The following KANK1 variants were observed in gnomAD, a reference collection of about 807,000 sequenced individuals.
KANK1 encodes KN motif and ankyrin repeat domain-containing protein 1.
Under a neutral mutation model 106.2 loss-of-function variants are expected in KANK1, and 109 were observed. That is an observed-to-expected ratio of 1.03 (90% CI 0.88 to 1.20). The LOEUF (loss-of-function observed/expected upper bound fraction) is 1.20. Among genes scored for constraint, KANK1 ranks in the 50% most tolerant of loss-of-function variants. KANK1 has a pLI of 0.00. For missense variants in KANK1, 2,399 were observed against 1,710.7 expected (o/e 1.40, Z -7.10); for synonymous variants, 873 against 652.2 (o/e 1.34, Z -5.16).
At chr9:590,081 T>G (rs1158290725) in intron 1 of KANK1, among the ~76,000 whole-genome samples, 1 of 152,170 alleles carries the variant, frequency 6.6e-6, no homozygotes, top group Non-Finnish European at 1.5e-5. Flanking sequence ...AACGGCACTC[T>G]GCAATAACCC....
chr9:535,209 G>A (rs545317286), intron 1 of KANK1, among the ~76,000 whole-genome samples: 16 of 152,128 alleles, frequency 1.1e-4, no homozygotes, highest in Non-Finnish European at 1.9e-4. Flanking sequence ...TCAGACCTCA[G>A]TACCTATGTC....
At chr9:732,115 T>C (rs988600067) in intron 5 of KANK1, 5 of 326,724 alleles carry the variant, frequency 1.5e-5, no homozygotes, top group Middle Eastern at 9.2e-4. Context: ...TCATGATTTA[T>C]GCTAAGCCGG....
chr9:507,556 A>ATTT lies in KANK1; in HGVS notation c.-84+2819_-84+2821dup, dbSNP rs755577004. Among the ~76,000 whole-genome samples the ATTT allele has an allele frequency of 1.7e-3, 219 of 127,400 alleles. 4 individuals are homozygous for ATTT. The highest frequency in any genetic ancestry group is 6.3e-3 in the African/African-American group (198 of 31,418). The allele number at this position is 127,400 out of a possible 152,430, so 83.6% of individuals were successfully genotyped here. A position where few individuals can be genotyped will look rare whatever the true frequency, so the allele number is the denominator to read the frequency against. On this transcript the variant is annotated intron_variant, in intron 1 of 11. Coordinates refer to ENST00000382297, the MANE Select transcript of KANK1 (RefSeq NM_015158.5). ...AGGCACCTGCCACCATGCCCGGCTA[A>ATTT]TTTTTTTTTTTTTTTTTTTGAGATG...
chr9:618,356 C>A (rs185341093), intron 1 of KANK1, among the ~76,000 whole-genome samples: 7 of 152,026 alleles, frequency 4.6e-5, no homozygotes, highest in Non-Finnish European at 8.8e-5. Context: ...TACAGGCACA[C>A]GCCACCACAC....
At chr9:532,546 C>T (rs1319717240) in intron 1 of KANK1, among the ~76,000 whole-genome samples, 1 of 151,946 alleles carries the variant, frequency 6.6e-6, no homozygotes, top group South Asian at 2.1e-4. Context: ...CCTCCACTCC[C>T]TCCAGCCCCT....
At chr9:703,879 A>AT in intron 2 of KANK1, among the ~76,000 whole-genome samples, 1 of 151,836 alleles carries the variant, frequency 6.6e-6, no homozygotes, top group African/African-American at 2.4e-5. Context: ...GCCCAGCTAA[A>AT]TTTTTTGCAT....
intron 10 of KANK1, among the ~76,000 whole-genome samples, 178 bp downstream of exon 10, chr9:742,583 A>C (rs1835938807): frequency 6.6e-6 from 1 of 152,196 alleles, no homozygotes; most frequent in Admixed American, 6.5e-5. Context: ...GTGTGTGTGC[A>C]AACTAACACG....
intron 1 of KANK1, among the ~76,000 whole-genome samples, chr9:516,516 T>G (rs1309190712): frequency 1.3e-5 from 2 of 151,666 alleles, no homozygotes; most frequent in African/African-American, 4.9e-5. Context: ...CTTAGTGATG[T>G]TCTTTCTGGT....
intron 1 of KANK1, among the ~76,000 whole-genome samples, chr9:541,818 G>A (rs1280825138): frequency 6.6e-6 from 1 of 152,152 alleles, no homozygotes; most frequent in Non-Finnish European, 1.5e-5. Flanking sequence ...GGCCGGGCGC[G>A]GTGGCTCACG....
rs138076964 is a variant in KANK1 at position 742,925 on chromosome 9, G to A, written c.3897+520G>A. Among the ~76,000 whole-genome samples the A allele has an allele frequency of 5.7e-3, 871 of 152,258 alleles. 6 individuals carry two copies. Among genetic ancestry groups the A allele is most frequent in the African/African-American group, 0.02 (812 of 41,540 alleles). On this transcript the variant is annotated intron_variant, in intron 10 of 11. Coordinates refer to ENST00000382297, the MANE Select transcript of KANK1 (RefSeq NM_015158.5). Reference sequence around the variant, plus strand: ...GCAGAGTAGCTTGACTTCTTGAAGCGTTTTCCCATTTCTGCTTAGTCTGTC... The same window carrying A: ...GCAGAGTAGCTTGACTTCTTGAAGCATTTTCCCATTTCTGCTTAGTCTGTC...
chr9:524,185 T>C (rs998858843), intron 1 of KANK1, among the ~76,000 whole-genome samples: 9 of 151,834 alleles, frequency 5.9e-5, no homozygotes, highest in Non-Finnish European at 8.8e-5. Context: ...AGGAACTAAG[T>C]GTCATGCTCA....
chr9:653,185 A>C (rs1393721387), intron 1 of KANK1, among the ~76,000 whole-genome samples: 1 of 152,144 alleles, frequency 6.6e-6, no homozygotes, highest in Non-Finnish European at 1.5e-5. Flanking sequence ...TGGAAGTGTC[A>C]TTAGGGCTGT....
chr9:712,203 C>T lies in KANK1; in HGVS notation c.1437C>T (p.Thr479=), dbSNP rs114113058. 61 of 1,614,168 alleles carry T rather than the reference C, an allele frequency of 3.8e-5. No homozygotes were observed. In the African/African-American group the frequency reaches 7.7e-4, roughly 20 times the overall value. The change falls in exon 3 of 12, where the codon ACC becomes ACT. Residue 479 remains threonine (T), a synonymous_variant. Transcript: ENST00000382297. ...IYRLEVQLRE[T]THDREMTKLK... Reference sequence around the variant, plus strand: ...GCCTAGAAGTACAGCTTAGAGAAACCACCCATGACCGGGAGATGACTAAAC... The same window carrying T: ...GCCTAGAAGTACAGCTTAGAGAAACTACCCATGACCGGGAGATGACTAAAC...
intron 1 of KANK1, among the ~76,000 whole-genome samples, chr9:516,199 T>G (rs2059270879): frequency 6.6e-6 from 1 of 151,426 alleles, no homozygotes. Context: ...ATCTAAAGGG[T>G]TTTTGGAGAA....
chr9:731,250 G>C lies in KANK1; in HGVS notation c.2989G>C (p.Val997Leu). 9 of 1,602,394 alleles carry C rather than the reference G, an allele frequency of 5.6e-6. No homozygotes were observed. Among genetic ancestry groups the C allele is most frequent in the Non-Finnish European group, 7.7e-6 (9 of 1,169,796 alleles). Reference protein sequence around the residue: ...SNGAKKNLQFVGINGGYETTS... With the variant: ...SNGAKKNLQFLGINGGYETTS... ...TGGCGCAAAAAAGAATCTTCAGTTT[G>C]TTGGCATTAATGGAGGGTAAGGAAA... Residue 997 changes from valine to leucine, a missense_variant, in exon 5 of 12, where the codon GTT (valine) becomes CTT (leucine). By Grantham distance (32) the Val-to-Leu change is conservative. Transcript: ENST00000382297.
chr9:618,572 AT>A (rs574079713), intron 1 of KANK1, among the ~76,000 whole-genome samples: 17 of 152,098 alleles, frequency 1.1e-4, no homozygotes, highest in Middle Eastern at 3.4e-3. Context: ...TATCGGAACA[AT>A]TTTTTTTAAA....
Position 543,843 on chromosome 9 carries a change from C to T in KANK1, c.-84+39089C>T, listed in dbSNP as rs189936168. Among the ~76,000 whole-genome samples, 55 of 152,156 alleles carry T rather than the reference C, an allele frequency of 3.6e-4. 1 individual carries two copies. The highest frequency in any genetic ancestry group is 3.4e-3 in the Middle Eastern group (1 of 294). ...CTATGCCTGTTGTTTTGCCCCTTAC[C>T]GTCTTCAAAATCTGAATCCAAATCC... is the stretch of plus-strand genomic sequence containing the variant. On this transcript the variant is annotated intron_variant, in intron 1 of 11. Transcript: ENST00000382297.
rs150550671 is a variant in KANK1, at chr9:576,741, G to A, written c.-84+71987G>A. 2.6e-3 allele frequency among the ~76,000 whole-genome samples: 398 copies of A among 151,846 alleles called. 1 individual carries two copies. The highest frequency in any genetic ancestry group is 9.1e-3 in the African/African-American group (379 of 41,508). On this transcript the variant is annotated intron_variant, in intron 1 of 11. Transcript: ENST00000382297. ...GTAATTTTATTTCAGGTTTGTGGGA[G>A]AGGAAGAGGAGGGACCTTGTTTTTT...
At chr9:505,250 C>T (rs1021042097) in intron 1 of KANK1, among the ~76,000 whole-genome samples, 1 of 152,118 alleles carries the variant, frequency 6.6e-6, no homozygotes, top group Non-Finnish European at 1.5e-5. Context: ...GAGGGAGTGG[C>T]GGTCAAGACC....
Sources: allele counts gnomAD v4.1 joint callset (sites outside exome capture counted in the v4.1 genomes callset), GRCh38; gene constraint gnomAD v4.1.1; transcripts MANE v1.5; gene names NCBI Gene and HGNC (gene_info 2026-07-23, HGNC 2026-07-21).